The following TRAPPC9 variants were observed in gnomAD, a reference collection of about 807,000 sequenced individuals.
TRAPPC9 encodes the protein trafficking protein particle complex subunit 9.
A neutral mutation model predicts 124.0 loss-of-function variants in TRAPPC9; 83 were observed. That is an observed-to-expected ratio of 0.67 (90% CI 0.56 to 0.80). The LOEUF is 0.80. Among genes scored for constraint, TRAPPC9 ranks in the 30% least tolerant of loss-of-function variants. The probability of loss-of-function intolerance (pLI) is 0.00; values close to 1 mark genes in which losing one functional copy is unlikely to be tolerated. For synonymous variants in TRAPPC9, 638 were observed against 617.5 expected (o/e 1.03, Z -0.49); for missense variants, 1,302 against 1,508.3 (o/e 0.86, Z 2.27).
At chr8:139,778,573 A>C (rs1431721109) in intron 21 of TRAPPC9, among the ~76,000 whole-genome samples, 1 of 152,262 alleles carries the variant, frequency 6.6e-6, no homozygotes, top group Non-Finnish European at 1.5e-5. Context: ...ATTTAATGAC[A>C]TAGAAGATAC....
At chr8:140,048,471 A>T (rs1047429176) in intron 17 of TRAPPC9, among the ~76,000 whole-genome samples, 1 of 152,150 alleles carries the variant, frequency 6.6e-6, no homozygotes, top group African/African-American at 2.4e-5. Context: ...GCCAGGTGCC[A>T]GGCCAGGATC....
chr8:139,790,500 C>T (rs1822584762), intron 21 of TRAPPC9, among the ~76,000 whole-genome samples: 2 of 152,306 alleles, frequency 1.3e-5, no homozygotes, highest in East Asian at 1.9e-4. Flanking sequence ...GAGGCAGGCT[C>T]TGGGCACTGA....
chr8:140,386,113 A>C (rs1314467676), intron 7 of TRAPPC9, among the ~76,000 whole-genome samples: 3 of 152,236 alleles, frequency 2.0e-5, no homozygotes, highest in African/African-American at 7.2e-5. Context: ...GACAAAATTC[A>C]ACAGCCCTTC....
chr8:140,151,034 G>A (rs779155047), intron 17 of TRAPPC9, among the ~76,000 whole-genome samples: 1 of 152,136 alleles, frequency 6.6e-6, no homozygotes, highest in Non-Finnish European at 1.5e-5. Context: ...ACAGAGACTC[G>A]TCTAGCTCCC....
chr8:139,856,030 C>A (rs762711692), intron 21 of TRAPPC9, among the ~76,000 whole-genome samples: 2 of 152,170 alleles, frequency 1.3e-5, no homozygotes, highest in African/African-American at 4.8e-5. Context: ...AGTCCCAGGG[C>A]CTTCATCATT....
At chr8:139,855,114 C>T (rs1827720487) in intron 21 of TRAPPC9, among the ~76,000 whole-genome samples, 2 of 152,210 alleles carry the variant, frequency 1.3e-5, no homozygotes, top group Non-Finnish European at 2.9e-5. Context: ...CCCTGGAAGC[C>T]AATCGGGCCT....
chr8:140,191,320 G>A (rs1294689391), intron 17 of TRAPPC9, among the ~76,000 whole-genome samples: 1 of 152,212 alleles, frequency 6.6e-6, no homozygotes, highest in Non-Finnish European at 1.5e-5. Context: ...TAGTGGTGAA[G>A]TCAGGTCTGA....
chr8:140,440,508 A>G (rs531309001), intron 2 of TRAPPC9, among the ~76,000 whole-genome samples: 9 of 152,084 alleles, frequency 5.9e-5, no homozygotes, highest in African/African-American at 1.9e-4. Flanking sequence ...CTCCCAAAAA[A>G]AAAAGAAAAG....
intron 17 of TRAPPC9, among the ~76,000 whole-genome samples, chr8:140,127,348 C>T (rs886269965): frequency 4.6e-5 from 7 of 152,152 alleles, no homozygotes; most frequent in African/African-American, 4.8e-5. Flanking sequence ...ACATACACAA[C>T]CAACTATGTT....
chr8:139,893,893 C>T (rs961097313), intron 20 of TRAPPC9, among the ~76,000 whole-genome samples: 22 of 152,244 alleles, frequency 1.4e-4, no homozygotes, highest in Admixed American at 4.6e-4. Context: ...TGGGATGTCA[C>T]GTAGCACCAC....
chr8:140,239,405 C>T (rs1010532594), intron 16 of TRAPPC9, among the ~76,000 whole-genome samples: 2 of 152,160 alleles, frequency 1.3e-5, no homozygotes, highest in Admixed American at 6.5e-5. Context: ...CTGAATGGGA[C>T]AGAGAGCTGC....
intron 21 of TRAPPC9, among the ~76,000 whole-genome samples, chr8:139,842,645 A>T (rs1374970700): frequency 9.7e-6 from 1 of 103,554 alleles, no homozygotes; most frequent in Non-Finnish European, 1.9e-5. Context: ...CTGGACTCCC[A>T]TGGAGGAGGG....
At chr8:140,009,516 G>A (rs972284381) in intron 18 of TRAPPC9, among the ~76,000 whole-genome samples, 4 of 152,008 alleles carry the variant, frequency 2.6e-5, no homozygotes, top group Admixed American at 6.6e-5. Context: ...CACACACGAC[G>A]TCCCCATTTC....
chr8:139,759,960 C>T (rs796597011), intron 21 of TRAPPC9, among the ~76,000 whole-genome samples: 5 of 152,362 alleles, frequency 3.3e-5, no homozygotes, highest in African/African-American at 1.2e-4. Context: ...TGGATGGACT[C>T]AACTCCCAGC....
intron 16 of TRAPPC9, among the ~76,000 whole-genome samples, chr8:140,240,869 A>C (rs1288883011): frequency 6.6e-6 from 1 of 152,146 alleles, no homozygotes; most frequent in Non-Finnish European, 1.5e-5. Context: ...AGAGTTTCCC[A>C]TCATACCAGC....
intron 19 of TRAPPC9, among the ~76,000 whole-genome samples, chr8:139,938,133 G>C (rs904661628): frequency 6.6e-6 from 1 of 152,180 alleles, no homozygotes; most frequent in Admixed American, 6.5e-5. Context: ...TTCCTGCATT[G>C]AAACAATAAA....
rs79369977 is a variant in TRAPPC9, at chr8:139,801,713, C to T, written c.3056-69511G>A. Among the ~76,000 whole-genome samples the T allele has an allele frequency of 3.6e-3, 550 of 152,312 alleles. 3 individuals are homozygous for T. The highest frequency in any genetic ancestry group is 6.1e-3 in the Non-Finnish European group (415 of 68,018). ...ACTGCACAGTCGCAGACGGGACCTG[C>T]CAGGAATCCGCACGAACTCCTCTGC... On this transcript the variant is annotated intron_variant, in intron 21 of 22. Coordinates refer to ENST00000438773, the MANE Select transcript of TRAPPC9 (RefSeq NM_001160372.4).
intron 19 of TRAPPC9, among the ~76,000 whole-genome samples, chr8:139,919,071 G>A (rs947292359): frequency 3.3e-5 from 5 of 152,204 alleles, no homozygotes; most frequent in African/African-American, 1.2e-4. Context: ...GCAGAGCTCA[G>A]GCGCCCACCA....
chr8:140,204,794 T>C (rs1344292890), intron 17 of TRAPPC9, among the ~76,000 whole-genome samples: 1 of 152,194 alleles, frequency 6.6e-6, no homozygotes, highest in Non-Finnish European at 1.5e-5. Flanking sequence ...GTTAAACCTC[T>C]TTTCTTTATA....
Sources: allele counts gnomAD v4.1 joint callset (sites outside exome capture counted in the v4.1 genomes callset), GRCh38; gene constraint gnomAD v4.1.1; transcripts MANE v1.5; gene names NCBI Gene and HGNC (gene_info 2026-07-23, HGNC 2026-07-21).